Variants in SPATA6 observed in about 807,000 individuals in gnomAD.
SPATA6 encodes spermatogenesis-associated protein 6.
Under a neutral mutation model 65.3 loss-of-function variants are expected in SPATA6, and 56 were observed. The ratio of observed to expected loss-of-function variants is 0.86; its 90% CI spans 0.69 to 1.07. The LOEUF is 1.07. Among genes scored for constraint, SPATA6 ranks in the 50% least tolerant of loss-of-function variants. The pLI is 0.00. For synonymous variants in SPATA6, 199 were observed against 213.2 expected, an observed-to-expected ratio of 0.93 and a Z score of 0.58; for missense variants, 590 against 594.8, an observed-to-expected ratio of 0.99 and a Z score of 0.08.
At chr1:48,309,412 G>C (rs1645143717) in intron 11 of SPATA6, among the ~76,000 whole-genome samples, 2 of 151,904 alleles carry the variant, frequency 1.3e-5, no homozygotes, top group African/African-American at 4.8e-5. Context: ...TTCATTTCTG[G>C]AGATTTTCAT....
intron 3 of SPATA6, among the ~76,000 whole-genome samples, chr1:48,442,736 A>AAAAAAAAC (rs1557715876): frequency 1.3e-5 from 2 of 149,824 alleles, no homozygotes; most frequent in African/African-American, 4.9e-5. Flanking sequence ...AAAAAAAAAA[A>AAAAAAAAC]AAAAAAAAAC....
chr1:48,275,702 T>C, the SPATA6 span, among the ~76,000 whole-genome samples: 4 of 152,210 alleles, frequency 2.6e-5, no homozygotes, highest in African/African-American at 9.6e-5. Context: ...GATTTGCATA[T>C]ATTGAAGGCA....
intron 9 of SPATA6, among the ~76,000 whole-genome samples, chr1:48,365,380 T>A (rs1646968044): frequency 6.6e-6 from 1 of 152,214 alleles, no homozygotes; most frequent in Admixed American, 6.5e-5. Context: ...ATCTGTAAAT[T>A]ACTTTGGGCA....
At chr1:48,426,917 AG>A (rs1191224783) in intron 3 of SPATA6, among the ~76,000 whole-genome samples, 1 of 151,830 alleles carries the variant, frequency 6.6e-6, no homozygotes, top group Non-Finnish European at 1.5e-5. Context: ...CAGAGAAAAA[AG>A]TCAGTTCAAT....
At chr1:48,317,208 G>A (rs543006894) in intron 11 of SPATA6, among the ~76,000 whole-genome samples, 2 of 152,240 alleles carry the variant, frequency 1.3e-5, no homozygotes, top group African/African-American at 4.8e-5. Context: ...AAATCATGCT[G>A]TGATAAAGAC....
intron 11 of SPATA6, among the ~76,000 whole-genome samples, chr1:48,338,031 C>T (rs970393429): frequency 6.6e-6 from 1 of 151,746 alleles, no homozygotes; most frequent in Admixed American, 6.6e-5. Flanking sequence ...CAAGAACAAA[C>T]GTGAAGGAGT....
intron 9 of SPATA6, among the ~76,000 whole-genome samples, chr1:48,372,347 C>T (rs1271125644): frequency 6.6e-6 from 1 of 152,132 alleles, no homozygotes; most frequent in East Asian, 1.9e-4. Context: ...GTCTGAAATC[C>T]AGTGGAGCAG....
the SPATA6 span, among the ~76,000 whole-genome samples, chr1:48,275,032 T>C: frequency 6.6e-6 from 1 of 152,216 alleles, no homozygotes; most frequent in Non-Finnish European, 1.5e-5. Flanking sequence ...TGGTTTGTAG[T>C]TCTCCTTAAA....
chr1:48,408,892 A>G (rs1284447875), intron 5 of SPATA6, among the ~76,000 whole-genome samples: 1 of 152,216 alleles, frequency 6.6e-6, no homozygotes. Context: ...TCCCTCCCAT[A>G]GCACATGAGA....
At chr1:48,463,834 A>G (rs1190399256) in intron 1 of SPATA6, among the ~76,000 whole-genome samples, 1 of 152,154 alleles carries the variant, frequency 6.6e-6, no homozygotes, top group East Asian at 1.9e-4. Flanking sequence ...TACAAATAAA[A>G]GATCCTAAAT....
intron 9 of SPATA6, among the ~76,000 whole-genome samples, chr1:48,369,025 AGCT>A (rs1467353494): frequency 6.6e-6 from 1 of 152,184 alleles, no homozygotes; most frequent in East Asian, 1.9e-4. Context: ...CAGGACCCTC[AGCT>A]GCAGGTCTGT....
At chr1:48,264,109 G>T in the SPATA6 span, among the ~76,000 whole-genome samples, 3 of 152,130 alleles carry the variant, frequency 2.0e-5, no homozygotes, top group African/African-American at 7.2e-5. Context: ...TGAAAGATGA[G>T]AAATGGCTGG....
chr1:48,273,396 G>T, the SPATA6 span, among the ~76,000 whole-genome samples: 15,044 of 152,094 alleles, frequency 0.099, 1,127 homozygotes, highest in East Asian at 0.43. Context: ...AGAATGTGCA[G>T]GTTTGTTACA....
downstream of SPATA6, among the ~76,000 whole-genome samples, chr1:48,293,669 T>C (rs772463237): frequency 3.9e-5 from 6 of 152,248 alleles, no homozygotes; most frequent in Non-Finnish European, 5.9e-5. Context: ...TATCAGCTGA[T>C]ATCTGTTCTG....
the SPATA6 span, among the ~76,000 whole-genome samples, chr1:48,278,041 C>T: frequency 2.0e-5 from 3 of 152,162 alleles, no homozygotes; most frequent in Non-Finnish European, 4.4e-5. Context: ...CACTGTTATG[C>T]ACCCATCACT....
rs770808896 is a variant in SPATA6 at position 48,451,604 on chromosome 1, T to C, written c.190-4A>G. On this transcript the variant is annotated splice_region_variant and splice_polypyrimidine_tract_variant and intron_variant, in intron 2 of 12. Coordinates refer to ENST00000371847, the MANE Select transcript of SPATA6 (RefSeq NM_019073.4). ...GATCTACTGCGTCCGGGAACACCTATAGTGAGACGATACAGGGAGAGGCAG... is the reference window on the plus strand; with the variant it reads ...GATCTACTGCGTCCGGGAACACCTACAGTGAGACGATACAGGGAGAGGCAG... 1.1e-5 allele frequency: 17 copies of C among 1,610,382 alleles called. No individual in the cohort carries two copies. In the East Asian group the frequency reaches 1.1e-4, roughly 11 times the overall value.
At chr1:48,350,872 C>T (rs568608873) in intron 11 of SPATA6, among the ~76,000 whole-genome samples, 1 of 152,014 alleles carries the variant, frequency 6.6e-6, no homozygotes, top group African/African-American at 2.4e-5. Context: ...CTTTCATACA[C>T]ATTGTTGAAT....
chr1:48,273,724 T>C, the SPATA6 span, among the ~76,000 whole-genome samples: 3 of 152,244 alleles, frequency 2.0e-5, no homozygotes, highest in Non-Finnish European at 2.9e-5. Context: ...TGCCACATTT[T>C]CTTTATACAT....
At chr1:48,436,172 A>G (rs1400975027) in intron 3 of SPATA6, 1 of 1,610,870 alleles carries the variant, frequency 6.2e-7, no homozygotes, top group Admixed American at 1.7e-5. Context: ...AGAGGATTTG[A>G]CAACTTGACT....
Sources: gnomAD v4.1 joint callset for allele counts (sites outside exome capture counted in the v4.1 genomes callset) on GRCh38, gnomAD v4.1.1 for gene constraint, MANE v1.5 for transcripts, NCBI Gene and HGNC (gene_info 2026-07-23, HGNC 2026-07-21) for gene names.